Variants in BCAR3 observed in about 807,000 individuals in gnomAD.
BCAR3 encodes the protein BCAR3 adaptor protein, NSP family member, also known as breast cancer anti-estrogen resistance protein 3.
In BCAR3, 37 loss-of-function variants were observed where a neutral mutation model predicts 80.1. The ratio of observed to expected loss-of-function variants is 0.46; its 90% CI spans 0.36 to 0.61. The LOEUF (loss-of-function observed/expected upper bound fraction) is 0.61, where lower values mean the gene tolerates loss of function less well. BCAR3 is among the 20% of genes least tolerant of loss of function. BCAR3 has a pLI of 0.00. For synonymous variants in BCAR3, 389 were observed against 418.9 expected, an observed-to-expected ratio of 0.93 and a Z score of 0.87; for missense variants, 978 against 1,068.2, an observed-to-expected ratio of 0.92 and a Z score of 1.18.
At chr1:93,718,089 C>T (rs188355014) in intron 2 of BCAR3, among the ~76,000 whole-genome samples, 22 of 152,218 alleles carry the variant, frequency 1.4e-4, no homozygotes, top group Non-Finnish European at 2.8e-4. Flanking sequence ...AAACTTCCTG[C>T]GTTCACAGCT....
intron 8 of BCAR3, among the ~76,000 whole-genome samples, chr1:93,574,015 A>G (rs933758854): frequency 5.3e-5 from 8 of 152,220 alleles, no homozygotes; most frequent in African/African-American, 1.4e-4. Flanking sequence ...GCTTTTAACT[A>G]TAAACTCACT....
At chr1:93,639,188 T>A (rs1675900543) in intron 3 of BCAR3, among the ~76,000 whole-genome samples, 1 of 151,854 alleles carries the variant, frequency 6.6e-6, no homozygotes, top group Admixed American at 6.6e-5. Context: ...GAGAAACCGG[T>A]CCCCTTTCAC....
rs1232637474 is a variant in BCAR3 at position 93,567,772 on chromosome 1, T to C, written c.2054A>G (p.Lys685Arg). 1 of 1,614,116 alleles carries C rather than the reference T, an allele frequency of 6.2e-7. No individual in the cohort carries two copies. The highest frequency in any genetic ancestry group is 8.5e-7 in the Non-Finnish European group (1 of 1,180,034). Residue 685 changes from lysine (K) to arginine (R), a missense_variant, in exon 10 of 12, where the codon AAG becomes AGG. Physicochemically the swap from Lys to Arg is conservative, Grantham distance 26. Transcript: ENST00000260502. Reference sequence around the variant, plus strand: ...TTCATGCAGGAGTTTGCTGAAGGGCTTCAGCTGTTTCTCATAGAGAATGGC... The same window carrying C: ...TTCATGCAGGAGTTTGCTGAAGGGCCTCAGCTGTTTCTCATAGAGAATGGC... Reference protein sequence around the residue: ...QTAILYEKQLKPFSKLLHEGR... With the variant: ...QTAILYEKQLRPFSKLLHEGR...
At position 93,812,833 on chromosome 1, in the gene BCAR3, C is replaced by G. The variant is rs558277315; in HGVS notation, c.-63+32734G>C. On this transcript the variant is annotated intron_variant, in intron 2 of 13. Coordinates refer to the BCAR3 transcript ENST00000370244. ...TGTTAGAAATGTAAATTCTCTACCCCCCTATCCCAGGCCTAAAAGAATCAG... is the reference window on the plus strand; with the variant it reads ...TGTTAGAAATGTAAATTCTCTACCCGCCTATCCCAGGCCTAAAAGAATCAG... 6.6e-5 allele frequency among the ~76,000 whole-genome samples: 10 copies of G among 152,328 alleles called. No homozygotes were observed. The East Asian group carries it at 1.2e-3, about 18-fold the overall frequency.
intron 3 of BCAR3, among the ~76,000 whole-genome samples, chr1:93,704,195 A>G (rs1205735364): frequency 6.6e-6 from 1 of 152,162 alleles, no homozygotes; most frequent in Non-Finnish European, 1.5e-5. Flanking sequence ...AGAAGAAACC[A>G]GCAGCTCACA....
At chr1:93,834,291 A>G (rs2100838722) in intron 2 of BCAR3, among the ~76,000 whole-genome samples, 1 of 152,148 alleles carries the variant, frequency 6.6e-6, no homozygotes, top group East Asian at 1.9e-4. Flanking sequence ...GCGCTTTATC[A>G]ACCAAATTGT....
At chr1:93,633,957 A>G (rs1675700739) in intron 3 of BCAR3, among the ~76,000 whole-genome samples, 1 of 152,234 alleles carries the variant, frequency 6.6e-6, no homozygotes, top group Non-Finnish European at 1.5e-5. Flanking sequence ...CTTATTGGGT[A>G]TAATTTGCAT....
intron 2 of BCAR3, among the ~76,000 whole-genome samples, chr1:93,667,306 C>G (rs1647964171): frequency 6.6e-6 from 1 of 152,166 alleles, no homozygotes; most frequent in African/African-American, 2.4e-5. Context: ...AACGCAGATT[C>G]CCAGTAGGGT....
chr1:93,621,556 AC>A (rs1350859813), intron 3 of BCAR3, among the ~76,000 whole-genome samples: 2 of 152,084 alleles, frequency 1.3e-5, no homozygotes, highest in Non-Finnish European at 1.5e-5. Context: ...CCTTGCACAC[AC>A]CCGGGTTGTA....
At chr1:93,754,879 C>T (rs1651692798) in intron 2 of BCAR3, among the ~76,000 whole-genome samples, 1 of 152,158 alleles carries the variant, frequency 6.6e-6, no homozygotes, top group African/African-American at 2.4e-5. Flanking sequence ...CAGCCTCAGG[C>T]AGTTGCTTCA....
intron 2 of BCAR3, among the ~76,000 whole-genome samples, chr1:93,786,192 C>CAAAAAAAAAAAAA (rs61644309): frequency 0.016 from 379 of 23,246 alleles, 71 homozygotes; most frequent in South Asian, 0.018. Context: ...GACTCCGTCT[C>CAAAAAAAAAAAAA]AAAAAAAAAA....
intron 2 of BCAR3, among the ~76,000 whole-genome samples, chr1:93,731,029 C>A (rs1650768047): frequency 6.6e-6 from 1 of 152,230 alleles, no homozygotes; most frequent in South Asian, 2.1e-4. Flanking sequence ...GAATTCATAA[C>A]CTTAGTCTAG....
chr1:93,660,464 T>G (rs894169771), intron 2 of BCAR3, among the ~76,000 whole-genome samples: 1 of 152,198 alleles, frequency 6.6e-6, no homozygotes, highest in African/African-American at 2.4e-5. Flanking sequence ...GAGTTTACCA[T>G]AGGGCCATTT....
chr1:93,693,678 A>C (rs963600095), intron 3 of BCAR3, among the ~76,000 whole-genome samples: 6 of 152,236 alleles, frequency 3.9e-5, no homozygotes, highest in South Asian at 2.1e-4. Context: ...TTATACAAAA[A>C]TAATATTATA....
chr1:93,593,779 G>A (rs1674310167), intron 3 of BCAR3, among the ~76,000 whole-genome samples: 1 of 151,944 alleles, frequency 6.6e-6, no homozygotes, highest in South Asian at 2.1e-4. Context: ...TTTAGGGCTA[G>A]ATTCTCATCC....
At chr1:93,625,074 G>T (rs2101893742) in intron 3 of BCAR3, among the ~76,000 whole-genome samples, 1 of 152,330 alleles carries the variant, frequency 6.6e-6, no homozygotes, top group African/African-American at 2.4e-5. Context: ...AGCCAGGCAT[G>T]GTGGCGGGGG....
intron 3 of BCAR3, among the ~76,000 whole-genome samples, chr1:93,696,080 G>T (rs1158470355): frequency 4.1e-5 from 6 of 147,388 alleles, no homozygotes. Context: ...TTGCTTTGTC[G>T]CCCAGGCTGG....
At chr1:93,739,688 C>G (rs1032997077) in intron 2 of BCAR3, among the ~76,000 whole-genome samples, 2 of 152,156 alleles carry the variant, frequency 1.3e-5, no homozygotes, top group African/African-American at 4.8e-5. Context: ...ATTACGTACT[C>G]AGCCCTGCCC....
intron 2 of BCAR3, among the ~76,000 whole-genome samples, chr1:93,804,802 T>G (rs1463985833): frequency 2.0e-5 from 3 of 152,244 alleles, no homozygotes; most frequent in African/African-American, 7.2e-5. Flanking sequence ...CATTCATCAG[T>G]TGATGAATAT....
Sources: allele counts gnomAD v4.1 joint callset (sites outside exome capture counted in the v4.1 genomes callset), GRCh38; gene constraint gnomAD v4.1.1; transcripts MANE v1.5; gene names NCBI Gene and HGNC (gene_info 2026-07-23, HGNC 2026-07-21).